ATP13A3: variants seen among roughly 807,000 people sequenced by gnomAD.
ATP13A3 encodes the protein ATPase 13A3, also known as polyamine-transporting ATPase 13A3.
ATP13A3 carries 59 observed loss-of-function variants against 158.1 expected under a neutral mutation model. The ratio of observed to expected loss-of-function variants is 0.37; its 90% CI spans 0.30 to 0.46. The LOEUF (loss-of-function observed/expected upper bound fraction) is 0.46. ATP13A3 is among the 20% of genes least tolerant of loss of function. The probability of loss-of-function intolerance (pLI) is 1.00; values close to 1 mark genes in which losing one functional copy is unlikely to be tolerated. For missense variants in ATP13A3, 1,166 were observed against 1,525.2 expected (o/e 0.76, Z 3.92); for synonymous variants, 491 against 504.3 (o/e 0.97, Z 0.35).
At chr3:194,409,477 T>C (rs1715189051) in intron 33 of ATP13A3, among the ~76,000 whole-genome samples, 1 of 152,166 alleles carries the variant, frequency 6.6e-6, no homozygotes. Flanking sequence ...AGTATGATTC[T>C]AGTTCCACTA....
At position 194,494,048 on chromosome 3, in the gene ATP13A3, A is replaced by G. The variant is rs1052069580; in HGVS notation, n.746+2T>C. 1.3e-5 allele frequency: 5 copies of G among 397,954 alleles called. No individual in the cohort carries two copies. Among genetic ancestry groups the G allele is most frequent in the Non-Finnish European group, 2.2e-5 (5 of 225,896 alleles). 24.7% of individuals were successfully genotyped at this position (397,954 alleles called of 1,614,324 possible). On this transcript the variant is annotated splice_donor_variant and non_coding_transcript_variant, in intron 2 of 32. Coordinates refer to the ATP13A3 transcript ENST00000687055. This position sits in a 1 kb window ranked among gnomAD's most constrained non-coding sequence, Gnocchi z 4.2. ...TGGAAAAAGAGGTGTTCAATAACTC[A>G]CCCGAAAGCACAGCCAGGATTCAAA...
At chr3:194,464,216 C>G (rs1444650096) in intron 2 of ATP13A3, among the ~76,000 whole-genome samples, 4 of 152,190 alleles carry the variant, frequency 2.6e-5, no homozygotes, top group Non-Finnish European at 4.4e-5. Flanking sequence ...TAATTTCACT[C>G]CTAACTACGA....
intron 18 of ATP13A3, 36 bp downstream of exon 18, chr3:194,437,520 A>C (rs376575218): frequency 1.3e-5 from 21 of 1,612,622 alleles, no homozygotes; most frequent in South Asian, 8.8e-5. Flanking sequence ...AATCAAAACA[A>C]ATATACTTAG....
chr3:194,483,353 G>A (rs1035163104), intron 2 of ATP13A3, among the ~76,000 whole-genome samples: 1 of 150,972 alleles, frequency 6.6e-6, no homozygotes, highest in African/African-American at 2.5e-5. Flanking sequence ...ACTTTGGGAG[G>A]CCAAGGCAGG....
chr3:194,433,670 T>G, intron 21 of ATP13A3, 102 bp downstream of exon 21: 1 of 1,433,964 alleles, frequency 7.0e-7, no homozygotes, highest in Non-Finnish European at 9.5e-7. Flanking sequence ...GAAACCACTA[T>G]AGACTATATA....
At chr3:194,457,379 C>T (rs986586029) in intron 6 of ATP13A3, among the ~76,000 whole-genome samples, 4 of 152,100 alleles carry the variant, frequency 2.6e-5, no homozygotes, top group Non-Finnish European at 5.9e-5. Flanking sequence ...GTCTCAAACC[C>T]AACTTCGAAG....
At chr3:194,485,089 T>C (rs903241725) in intron 2 of ATP13A3, among the ~76,000 whole-genome samples, 14 of 150,950 alleles carry the variant, frequency 9.3e-5, no homozygotes, top group Non-Finnish European at 1.3e-4. Flanking sequence ...AGCAACCAAA[T>C]AGTGTCACTT....
chr3:194,473,909 C>T (rs1720417822), intron 2 of ATP13A3, among the ~76,000 whole-genome samples: 1 of 152,114 alleles, frequency 6.6e-6, no homozygotes, highest in African/African-American at 2.4e-5. Flanking sequence ...ATGTCTAATA[C>T]ACTATTTTTA....
chr3:194,427,387 A>C, intron 28 of ATP13A3, 135 bp from the exon 29 acceptor site: 1 of 762,686 alleles, frequency 1.3e-6, no homozygotes, highest in Non-Finnish European at 2.0e-6. Context: ...AATCTTCAAA[A>C]ACCAAGCCAC....
intron 33 of ATP13A3, 82 bp from the exon 34 acceptor site, chr3:194,406,198 C>G: frequency 3.0e-6 from 4 of 1,337,534 alleles, no homozygotes; most frequent in Non-Finnish European, 4.1e-6. Context: ...TTAAAGCACA[C>G]ATTAGCAGAG....
intron 31 of ATP13A3, 148 bp from the exon 32 acceptor site, chr3:194,413,987 G>A (rs1455910468): frequency 9.2e-6 from 6 of 654,904 alleles, no homozygotes; most frequent in Non-Finnish European, 1.6e-5. Flanking sequence ...AATGCCCCGC[G>A]GTATATATTA....
chr3:194,454,471 C>A, intron 8 of ATP13A3, 79 bp from the exon 9 acceptor site: 1 of 1,355,260 alleles, frequency 7.4e-7, no homozygotes, highest in African/African-American at 1.5e-5. Flanking sequence ...ATTTGACAAA[C>A]AAAAAGATAC....
rs1264289745 is a variant in ATP13A3, at chr3:194,486,736, G to C, written c.-259C>G. 2 of 150,606 alleles carry C rather than the reference G, an allele frequency of 1.3e-5. No homozygotes were observed. Among genetic ancestry groups the C allele is most frequent in the Admixed American group, 1.3e-4 (2 of 15,094 alleles). The allele number at this position is 150,606 out of a possible 1,614,324, so 9.3% of individuals were successfully genotyped here. A position where few individuals can be genotyped will look rare whatever the true frequency, so the allele number is the denominator to read the frequency against. On this transcript the variant is annotated 5_prime_UTR_variant, in exon 1 of 34. Coordinates refer to ENST00000645319, the MANE Select transcript of ATP13A3 (RefSeq NM_001367549.1). ...CCGCGCGCTGCGGCTCAGGGTGAGGGAAGGAGGCGCCGCGGCGGGGCCGGG... is the reference window on the plus strand; with the variant it reads ...CCGCGCGCTGCGGCTCAGGGTGAGGCAAGGAGGCGCCGCGGCGGGGCCGGG...
At position 194,486,836 on chromosome 3, in the gene ATP13A3, A is replaced by T. The variant is rs1379259174; in HGVS notation, c.-359T>A. ...GGCGTGCAGCCGGCAGGGCGAGAAC[A>T]AGGGAGGGCGGCGGGAGGTGGGCAG... On this transcript the variant is annotated 5_prime_UTR_variant, in exon 1 of 34. Coordinates refer to ENST00000645319, the MANE Select transcript of ATP13A3 (RefSeq NM_001367549.1). 1 of 150,628 alleles carries T rather than the reference A, an allele frequency of 6.6e-6. No individual in the cohort carries two copies. The highest frequency in any genetic ancestry group is 2.0e-4 in the East Asian group (1 of 5,000). The allele number at this position is 150,628 out of a possible 1,614,324, so 9.3% of individuals were successfully genotyped here. A position where few individuals can be genotyped will look rare whatever the true frequency, so the allele number is the denominator to read the frequency against.
At chr3:194,414,511 T>G (rs1226902641) in intron 31 of ATP13A3, among the ~76,000 whole-genome samples, 2 of 148,216 alleles carry the variant, frequency 1.3e-5, no homozygotes, top group Non-Finnish European at 3.0e-5. Context: ...TGGTCAAAAC[T>G]CAATTATAAA....
intron 31 of ATP13A3, among the ~76,000 whole-genome samples, chr3:194,414,857 G>GT (rs1179038572): frequency 6.6e-6 from 1 of 152,222 alleles, no homozygotes; most frequent in Non-Finnish European, 1.5e-5. Flanking sequence ...GAACACCCAA[G>GT]TAACAGTCAA....
chr3:194,475,759 G>GT (rs2109038678), intron 2 of ATP13A3, among the ~76,000 whole-genome samples: 1 of 152,026 alleles, frequency 6.6e-6, no homozygotes, highest in South Asian at 2.1e-4. Flanking sequence ...CACAATCAAT[G>GT]TATTTAGGCA....
intron 2 of ATP13A3, among the ~76,000 whole-genome samples, chr3:194,479,899 T>C (rs1322097570): frequency 6.6e-6 from 1 of 152,108 alleles, no homozygotes; most frequent in Non-Finnish European, 1.5e-5. Context: ...AACTAAAATA[T>C]ACATAAAATG....
chr3:194,423,370 T>C (rs1716525087), intron 30 of ATP13A3, among the ~76,000 whole-genome samples: 1 of 152,224 alleles, frequency 6.6e-6, no homozygotes, highest in Non-Finnish European at 1.5e-5. Flanking sequence ...ACACCATTTA[T>C]AGAGAGCAAC....
Sources: gnomAD v4.1 joint callset for allele counts (sites outside exome capture counted in the v4.1 genomes callset) on GRCh38, gnomAD v4.1.1 for gene constraint, Gnocchi (gnomAD v3.1) non-coding constraint, MANE v1.5 for transcripts, NCBI Gene and HGNC (gene_info 2026-07-23, HGNC 2026-07-21) for gene names.